NAA11: variants seen among roughly 807,000 people sequenced by gnomAD.
The protein encoded by NAA11 is N-alpha-acetyltransferase 11.
Under a neutral mutation model 16.1 loss-of-function variants are expected in NAA11, and 15 were observed. The observed-to-expected ratio is 0.93, with a 90% CI of 0.62 to 1.44. The LOEUF (loss-of-function observed/expected upper bound fraction) is 1.44, where lower values mean the gene tolerates loss of function less well. NAA11 is among the 40% of genes most tolerant of loss of function. NAA11 has a pLI of 0.00. For missense variants in NAA11, 298 were observed against 291.3 expected (o/e 1.02, Z -0.17); for synonymous variants, 122 against 112.4 (o/e 1.09, Z -0.54).
intron 2 of NAA11, among the ~76,000 whole-genome samples, chr4:79,260,968 C>A (rs1286496446): frequency 1.3e-5 from 2 of 152,168 alleles, no homozygotes; most frequent in Admixed American, 1.3e-4. Flanking sequence ...TGTAAATCCC[C>A]TTTGGCCTTA....
chr4:79,196,764 A>T, the NAA11 span, among the ~76,000 whole-genome samples: 2 of 151,840 alleles, frequency 1.3e-5, no homozygotes, highest in Non-Finnish European at 2.9e-5. Flanking sequence ...GCTAAATTTA[A>T]AATAGGGAGA....
chr4:79,197,260 T>C, the NAA11 span, among the ~76,000 whole-genome samples: 14 of 151,996 alleles, frequency 9.2e-5, no homozygotes, highest in African/African-American at 3.1e-4. Context: ...CATATTTTAT[T>C]TCCACAAACT....
At chr4:79,200,260 T>TA in the NAA11 span, among the ~76,000 whole-genome samples, 1 of 151,780 alleles carries the variant, frequency 6.6e-6, no homozygotes, top group South Asian at 2.1e-4. Flanking sequence ...TTAATATACC[T>TA]AAAAAACTCA....
chr4:79,198,029 C>A, the NAA11 span, among the ~76,000 whole-genome samples: 4 of 151,854 alleles, frequency 2.6e-5, no homozygotes, highest in Non-Finnish European at 5.9e-5. Flanking sequence ...TATGCCCTTT[C>A]TTTATTTGGA....
At chr4:79,244,619 T>TCCCCCA (rs1467857750) in intron 2 of NAA11, 2 of 35,924 alleles carry the variant, frequency 5.6e-5, no homozygotes, top group Admixed American at 2.8e-4. Context: ...ACTCTCCCTC[T>TCCCCCA]CCCCCTCCCC....
the NAA11 span, among the ~76,000 whole-genome samples, chr4:79,178,003 T>G: frequency 6.6e-6 from 1 of 152,290 alleles, no homozygotes; most frequent in Middle Eastern, 3.4e-3. Context: ...CAGATTGTTC[T>G]CAGATGTTAT....
At chr4:79,323,933 G>A (rs1242343112) in intron 1 of NAA11, among the ~76,000 whole-genome samples, 2 of 151,872 alleles carry the variant, frequency 1.3e-5, no homozygotes, top group African/African-American at 4.8e-5. Flanking sequence ...AACCCAGGAC[G>A]TGGAGGTTGC....
At chr4:79,163,130 T>C in the NAA11 span, among the ~76,000 whole-genome samples, 2 of 152,300 alleles carry the variant, frequency 1.3e-5, no homozygotes, top group East Asian at 3.9e-4. Flanking sequence ...GTTGCCCAAA[T>C]TCAGGAGTGC....
chr4:79,266,300 T>A (rs1019449238), intron 2 of NAA11, among the ~76,000 whole-genome samples: 1 of 152,204 alleles, frequency 6.6e-6, no homozygotes, highest in African/African-American at 2.4e-5. Flanking sequence ...CTCTTCCTAA[T>A]GGCATTCTGC....
chr4:79,278,149 C>T (rs964803455), intron 2 of NAA11, among the ~76,000 whole-genome samples: 1 of 151,860 alleles, frequency 6.6e-6, no homozygotes, highest in Non-Finnish European at 1.5e-5. Flanking sequence ...TTTCTTTAAC[C>T]TCTTCTTTCC....
At chr4:79,320,211 G>A (rs1256650986) in intron 1 of NAA11, among the ~76,000 whole-genome samples, 1 of 152,188 alleles carries the variant, frequency 6.6e-6, no homozygotes, top group Non-Finnish European at 1.5e-5. Context: ...TGATTCAGCT[G>A]AATGCTTTGA....
chr4:79,299,402 A>G (rs972322593), intron 1 of NAA11: 6 of 152,222 alleles, frequency 3.9e-5, no homozygotes, highest in Non-Finnish European at 7.3e-5. Context: ...GGAAGTTTAC[A>G]GAGGCTATCA....
At chr4:79,302,857 A>G (rs1460807589) in intron 1 of NAA11, among the ~76,000 whole-genome samples, 1 of 151,950 alleles carries the variant, frequency 6.6e-6, no homozygotes, top group Non-Finnish European at 1.5e-5. Context: ...CAAGATATCT[A>G]TAGGGAAGGA....
chr4:79,272,393 C>A (rs919318054), intron 2 of NAA11, among the ~76,000 whole-genome samples: 3 of 151,776 alleles, frequency 2.0e-5, no homozygotes, highest in Non-Finnish European at 4.4e-5. Flanking sequence ...ATATTTAGAC[C>A]AGAAAAACTA....
chr4:79,161,935 C>A, the NAA11 span, among the ~76,000 whole-genome samples: 16 of 152,292 alleles, frequency 1.1e-4, no homozygotes, highest in East Asian at 1.5e-3. Context: ...CCCACCTCGG[C>A]GTCCCAAAGT....
intron 1 of NAA11, among the ~76,000 whole-genome samples, chr4:79,310,399 T>A (rs1220795252): frequency 6.6e-6 from 1 of 152,242 alleles, no homozygotes; most frequent in Non-Finnish European, 1.5e-5. Context: ...CTACAGTTCC[T>A]TAAAGCAACC....
chr4:79,242,923 C>T (rs962691995), intron 2 of NAA11, among the ~76,000 whole-genome samples: 3 of 152,214 alleles, frequency 2.0e-5, no homozygotes, highest in Non-Finnish European at 4.4e-5. Flanking sequence ...CCTTGAGCTA[C>T]TTCTCATTAG....
chr4:79,282,175 A>G (rs1251171709), intron 2 of NAA11, among the ~76,000 whole-genome samples: 3 of 152,138 alleles, frequency 2.0e-5, no homozygotes, highest in Non-Finnish European at 4.4e-5. Flanking sequence ...CTTGAAGAAC[A>G]CAAGTAAGGC....
downstream of NAA11, among the ~76,000 whole-genome samples, chr4:79,224,332 C>T (rs1721264196): frequency 1.3e-5 from 2 of 152,118 alleles, no homozygotes; most frequent in African/African-American, 2.4e-5. Context: ...TCAGTATAAA[C>T]AACATAAGCC....
Sources: allele counts gnomAD v4.1 joint callset (sites outside exome capture counted in the v4.1 genomes callset), GRCh38; gene constraint gnomAD v4.1.1; transcripts MANE v1.5; gene names NCBI Gene and HGNC (gene_info 2026-07-23, HGNC 2026-07-21).